ASXL2: variants seen among roughly 807,000 people sequenced by gnomAD.
ASXL2 encodes the protein ASXL transcriptional regulator 2.
Under a neutral mutation model 122.0 loss-of-function variants are expected in ASXL2, and 23 were observed. The observed-to-expected ratio is 0.19, with a 90% CI of 0.14 to 0.27. The LOEUF is 0.27. Among genes scored for constraint, ASXL2 ranks in the 10% least tolerant of loss-of-function variants. The pLI, the probability that ASXL2 is intolerant of heterozygous loss-of-function variation, is 1.00. For synonymous variants in ASXL2, 650 were observed against 637.0 expected (o/e 1.02, Z -0.31); for missense variants, 1,518 against 1,713.8 (o/e 0.89, Z 2.02).
rs768541445 is a variant in ASXL2, at chr2:25,750,197, C to T, written c.1359G>A (p.Val453=). Residue 453 remains valine (V), a synonymous_variant, in exon 12 of 13, where the codon GTG becomes GTA. Transcript: ENST00000435504. ...RKEECESQGE[V]QPNFSTSSEP... is the part of the protein sequence containing the mutation. ...CTGAAGATGTGGAGAAGTTCGGCTG[C>T]ACTTCACCTTGGCTTTCACACTCTT... The T allele has an allele frequency of 1.9e-6, 3 of 1,613,896 alleles. No individual in the cohort carries two copies. Among genetic ancestry groups the T allele is most frequent in the African/African-American group, 1.3e-5 (1 of 75,002 alleles).
At chr2:25,752,502 T>C (rs902263402) in intron 11 of ASXL2, among the ~76,000 whole-genome samples, 2 of 152,202 alleles carry the variant, frequency 1.3e-5, no homozygotes, top group Admixed American at 6.5e-5. Context: ...TCCTTAGTGA[T>C]TCTGGATAGC....
chr2:25,830,452 T>C (rs1387233520), intron 3 of ASXL2, among the ~76,000 whole-genome samples: 1 of 151,898 alleles, frequency 6.6e-6, no homozygotes, highest in Non-Finnish European at 1.5e-5. Flanking sequence ...ACCAGTATGG[T>C]GAAACCCCGT....
At chr2:25,781,686 T>G (rs1418341420) in intron 5 of ASXL2, among the ~76,000 whole-genome samples, 2 of 150,544 alleles carry the variant, frequency 1.3e-5, no homozygotes, top group Non-Finnish European at 3.0e-5. Flanking sequence ...TTTTTTTTTT[T>G]GAGACAGAGT....
chr2:25,746,694 A>G (rs7609372), intron 12 of ASXL2, among the ~76,000 whole-genome samples: 6 of 152,032 alleles, frequency 3.9e-5, no homozygotes, highest in East Asian at 3.8e-4. Context: ...AACAACCATT[A>G]TAAGTGGTTA....
chr2:25,761,877 G>C (rs2088256580), intron 8 of ASXL2, among the ~76,000 whole-genome samples: 1 of 151,998 alleles, frequency 6.6e-6, no homozygotes, highest in Non-Finnish European at 1.5e-5. Context: ...TCAGAAACCT[G>C]ATATAAATAC....
chr2:25,794,605 AT>A (rs1469672402), intron 5 of ASXL2, among the ~76,000 whole-genome samples: 1 of 152,194 alleles, frequency 6.6e-6, no homozygotes, highest in East Asian at 1.9e-4. Context: ...ATTGGACTGA[AT>A]TTCAAAGTTC....
intron 5 of ASXL2, among the ~76,000 whole-genome samples, chr2:25,792,857 C>T (rs998934456): frequency 6.6e-6 from 1 of 151,908 alleles, no homozygotes; most frequent in African/African-American, 2.4e-5. Flanking sequence ...CTGCCCTCCT[C>T]GGCTTCCCAA....
intron 5 of ASXL2, among the ~76,000 whole-genome samples, chr2:25,773,347 T>G (rs2088487700): frequency 6.6e-6 from 1 of 151,926 alleles, no homozygotes. Context: ...GTTGAATAAT[T>G]CAAGACAGTT....
At chr2:25,817,658 C>T (rs2089254735) in intron 3 of ASXL2, among the ~76,000 whole-genome samples, 1 of 152,122 alleles carries the variant, frequency 6.6e-6, no homozygotes, top group African/African-American at 2.4e-5. Context: ...CAATAGAGCT[C>T]TTTTTGAAAA....
chr2:25,769,959 A>G (rs960783782), intron 6 of ASXL2, among the ~76,000 whole-genome samples: 5 of 152,226 alleles, frequency 3.3e-5, no homozygotes, highest in African/African-American at 1.2e-4. Context: ...CCTCACCTAC[A>G]TTTATAATAG....
At chr2:25,800,779 C>A (rs945889583) in intron 4 of ASXL2, among the ~76,000 whole-genome samples, 1 of 152,172 alleles carries the variant, frequency 6.6e-6, no homozygotes, top group African/African-American at 2.4e-5. Flanking sequence ...AAAGATCATT[C>A]TTCAATTAGC....
At chr2:25,858,433 A>T (rs921397315) in intron 1 of ASXL2, among the ~76,000 whole-genome samples, 94 of 150,740 alleles carry the variant, frequency 6.2e-4, no homozygotes, top group Non-Finnish European at 9.8e-4. Flanking sequence ...AAAAAAAAAA[A>T]TTTTTTTTTG....
At chr2:25,768,591 A>T in intron 7 of ASXL2, 151 bp downstream of exon 7, 1 of 874,250 alleles carries the variant, frequency 1.1e-6, no homozygotes, top group Non-Finnish European at 1.7e-6. Flanking sequence ...TTTCCCATTT[A>T]TCCTGGATTT....
intron 5 of ASXL2, among the ~76,000 whole-genome samples, chr2:25,782,178 A>G (rs1380100460): frequency 1.3e-5 from 2 of 152,072 alleles, no homozygotes; most frequent in South Asian, 4.2e-4. Flanking sequence ...AAAACAAAGT[A>G]GTTTTACCTA....
intron 3 of ASXL2, among the ~76,000 whole-genome samples, chr2:25,808,458 T>C (rs1342819754): frequency 2.0e-5 from 3 of 152,112 alleles, no homozygotes; most frequent in African/African-American, 2.4e-5. Flanking sequence ...CAGCCTCCCA[T>C]GTAGCTGGGA....
Position 25,744,087 on chromosome 2 carries a change from A to G in ASXL2, c.2250T>C (p.Thr750=). ...TRELLPCGPE[T]QPQSETKTTP... ...TGGTCTTGGTCTCAGACTGGGGCTG[A>G]GTCTCTGGACCACAGGGTAAAAGCT... is the stretch of plus-strand genomic sequence containing the variant. The change falls in exon 13 of 13, where the codon ACT becomes ACC. Residue 750 remains threonine (T), a synonymous_variant. Transcript: ENST00000435504. The surrounding 1 kb of genome is among the most constrained non-coding windows in gnomAD (Gnocchi z 4.7). 7 of 1,613,922 alleles carry G rather than the reference A, an allele frequency of 4.3e-6. No individual in the cohort carries two copies. The highest frequency in any genetic ancestry group is 5.9e-6 in the Non-Finnish European group (7 of 1,179,862).
At chr2:25,866,833 A>G (rs1025193301) in intron 1 of ASXL2, among the ~76,000 whole-genome samples, 1 of 152,246 alleles carries the variant, frequency 6.6e-6, no homozygotes, top group South Asian at 2.1e-4. Context: ...CCCAGGTTCA[A>G]GTGATTCTCC....
At chr2:25,842,692 G>GTA (rs769594746) in intron 2 of ASXL2, among the ~76,000 whole-genome samples, 7,897 of 129,536 alleles carry the variant, frequency 0.061, 356 homozygotes, top group African/African-American at 0.12. Context: ...TCAAGTGTGT[G>GTA]TATATATATA....
chr2:25,776,282 G>A (rs1017866947), intron 5 of ASXL2, among the ~76,000 whole-genome samples: 1 of 152,144 alleles, frequency 6.6e-6, no homozygotes, highest in Non-Finnish European at 1.5e-5. Flanking sequence ...GTTTGTGAAT[G>A]ACTTTTTCAA....
Sources: allele counts gnomAD v4.1 joint callset (sites outside exome capture counted in the v4.1 genomes callset), GRCh38; gene constraint gnomAD v4.1.1; non-coding constraint Gnocchi (gnomAD v3.1); transcripts MANE v1.5; gene names NCBI Gene and HGNC (gene_info 2026-07-23, HGNC 2026-07-21).